Variants in UNC80 observed in about 807,000 individuals in gnomAD.
UNC80 encodes unc-80 subunit of NALCN channel complex.
Under a neutral mutation model 384.6 loss-of-function variants are expected in UNC80, and 164 were observed. The ratio of observed to expected loss-of-function variants is 0.43; its 90% CI spans 0.38 to 0.49. UNC80 has a LOEUF of 0.49. Among genes scored for constraint, UNC80 ranks in the 20% least tolerant of loss-of-function variants. The pLI, the probability that UNC80 is intolerant of heterozygous loss-of-function variation, is 0.00. For missense variants in UNC80, 3,330 were observed against 4,143.0 expected, an observed-to-expected ratio of 0.80 and a Z score of 5.39; for synonymous variants, 1,486 against 1,527.8, an observed-to-expected ratio of 0.97 and a Z score of 0.64.
At chr2:209,956,959 T>C (rs1475225618) in intron 48 of UNC80, among the ~76,000 whole-genome samples, 1 of 152,140 alleles carries the variant, frequency 6.6e-6, no homozygotes, top group African/African-American at 2.4e-5. Flanking sequence ...AAGCAAACCT[T>C]GATGATTTCA....
intron 7 of UNC80, among the ~76,000 whole-genome samples, chr2:209,796,845 G>C (rs116813883): frequency 6.6e-6 from 1 of 152,110 alleles, no homozygotes; most frequent in South Asian, 2.1e-4. Flanking sequence ...TATCAACAGC[G>C]TGAAAACGAA....
At chr2:209,905,105 T>C (rs1255983430) in intron 29 of UNC80, 140 bp downstream of exon 29, 19 of 843,448 alleles carry the variant, frequency 2.3e-5, no homozygotes, top group East Asian at 1.1e-4. Context: ...GCAGAAGAGA[T>C]GTACAAGAAA....
At chr2:209,929,441 GA>G (rs369524321) in intron 36 of UNC80, among the ~76,000 whole-genome samples, 3 of 151,102 alleles carry the variant, frequency 2.0e-5, no homozygotes, top group Non-Finnish European at 3.0e-5. Context: ...CATGTGGACA[GA>G]AAAAAAAATC....
chr2:209,879,897 A>G (rs1489242888), intron 24 of UNC80, among the ~76,000 whole-genome samples: 1 of 152,226 alleles, frequency 6.6e-6, no homozygotes, highest in African/African-American at 2.4e-5. Flanking sequence ...ATATCTACAG[A>G]AAGACCGTAA....
At chr2:209,874,842 C>T (rs1246614849) in intron 23 of UNC80, among the ~76,000 whole-genome samples, 1 of 152,126 alleles carries the variant, frequency 6.6e-6, no homozygotes, top group East Asian at 1.9e-4. Context: ...CTCAATCTTC[C>T]AAAATAAAAC....
At chr2:209,981,602 A>C (rs1028931559) in intron 59 of UNC80, among the ~76,000 whole-genome samples, 1 of 152,154 alleles carries the variant, frequency 6.6e-6, no homozygotes, top group African/African-American at 2.4e-5. Flanking sequence ...ACAAACCAAA[A>C]CAAAACAAAA....
At position 209,959,691 on chromosome 2, in the gene UNC80, G is replaced by A; in HGVS notation, c.7789G>A (p.Val2597Met). 1 of 1,551,494 alleles carries A rather than the reference G, an allele frequency of 6.4e-7. No homozygotes were observed. ...PRVIALELLD[V>M]KSHMRLAEIA... The stretch of plus-strand genomic sequence containing the variant: ...GGTCATTGCCTTGGAACTGCTGGAT[G>A]TGAAGTCTCACATGAGGTACTGGCC... The change falls in exon 51 of 65, where the codon GTG (valine) becomes ATG (methionine). Residue 2597 changes from valine (V) to methionine (M), a missense_variant. Physicochemically the swap from Val to Met is conservative, Grantham distance 21. Transcript: ENST00000673920.
Position 209,856,990 on chromosome 2 carries a change from A to G in UNC80, c.3627+7367A>G, listed in dbSNP as rs757928174. 3.7e-4 allele frequency among the ~76,000 whole-genome samples: 57 copies of G among 152,092 alleles called. 1 individual carries two copies. The highest frequency in any genetic ancestry group is 6.6e-4 in the Non-Finnish European group (45 of 67,990). On this transcript the variant is annotated intron_variant, in intron 22 of 64. Coordinates refer to ENST00000673920, the MANE Select transcript of UNC80 (RefSeq NM_001371986.1). Reference sequence around the variant, plus strand: ...TTTTTAGTAGAGAAGGGGTTTCACCATATTGGTCAGGCTGATCTAGAACTC... The same window carrying G: ...TTTTTAGTAGAGAAGGGGTTTCACCGTATTGGTCAGGCTGATCTAGAACTC...
chr2:209,916,173 A>G (rs2089514517), intron 31 of UNC80, among the ~76,000 whole-genome samples: 1 of 152,184 alleles, frequency 6.6e-6, no homozygotes, highest in Non-Finnish European at 1.5e-5. Flanking sequence ...GGCAGCTGAA[A>G]TAGTGAGAGT....
At chr2:209,949,460 A>G (rs2092056232) in intron 47 of UNC80, among the ~76,000 whole-genome samples, 1 of 151,688 alleles carries the variant, frequency 6.6e-6, no homozygotes, top group South Asian at 2.1e-4. Context: ...TGTCTCTCCT[A>G]CCCACCCCCC....
chr2:209,993,387 A>G lies in UNC80; in HGVS notation c.9469A>G (p.Thr3157Ala), dbSNP rs1312503247. 8 of 1,551,630 alleles carry G rather than the reference A, an allele frequency of 5.2e-6. No individual in the cohort carries two copies. The highest frequency in any genetic ancestry group is 4.9e-5 in the East Asian group (2 of 40,936). The change falls in exon 63 of 65, where the codon ACC (threonine) becomes GCC (alanine). Residue 3157 changes from threonine (T) to alanine (A), a missense_variant. Physicochemically the swap from Thr to Ala is moderately conservative, Grantham distance 58. Coordinates refer to ENST00000673920, the MANE Select transcript of UNC80 (RefSeq NM_001371986.1). ...AAATCGCCAAGGGGCTCGGCTGTCA[A>G]CCACTCGCAGGAGCATTCAACCTAA... is the stretch of plus-strand genomic sequence containing the variant. ...PRNRQGARLS[T>A]TRRSIQPKTK...
At chr2:209,878,597 C>A (rs529013553) in intron 24 of UNC80, among the ~76,000 whole-genome samples, 13 of 152,170 alleles carry the variant, frequency 8.5e-5, no homozygotes, top group Admixed American at 2.0e-4. Flanking sequence ...TCAGAGGTTG[C>A]TAGAACTGTG....
intron 49 of UNC80, 47 bp from the exon 50 acceptor site, chr2:209,959,072 C>T (rs1180864392): frequency 6.5e-7 from 1 of 1,535,282 alleles, no homozygotes; most frequent in Non-Finnish European, 8.8e-7. Flanking sequence ...ACCAAAGGAC[C>T]CCGTTCTTGC....
intron 16 of UNC80, 30 bp downstream of exon 16, chr2:209,831,621 G>C: frequency 6.7e-7 from 1 of 1,500,108 alleles, no homozygotes. Flanking sequence ...TCCCACAGGA[G>C]CTCTCAGTCT....
chr2:209,954,927 G>A (rs1055055130), intron 48 of UNC80, among the ~76,000 whole-genome samples: 6 of 152,120 alleles, frequency 3.9e-5, no homozygotes, highest in Non-Finnish European at 5.9e-5. Flanking sequence ...CTTGGGTGCC[G>A]AAGCAGAGTC....
Position 209,973,251 on chromosome 2 carries a change from C to A in UNC80, c.8568C>A (p.Thr2856=). 6.4e-7 allele frequency: 1 copy of A among 1,551,640 alleles called. No homozygotes were observed. The highest frequency in any genetic ancestry group is 2.4e-5 in the East Asian group (1 of 40,910). The change falls in exon 56 of 65, where the codon ACC becomes ACA. Residue 2856 remains threonine (T), a synonymous_variant. Transcript: ENST00000673920. ...DLRREGLAES[T]SQAAYLALKV... ...GCAGGGAAGGGCTGGCTGAGTCCAC[C>A]AGCCAAGCAGCATACTTGGGTTGGT...
chr2:209,871,801 T>G (rs2084317573), intron 22 of UNC80, among the ~76,000 whole-genome samples: 1 of 151,890 alleles, frequency 6.6e-6, no homozygotes, highest in Non-Finnish European at 1.5e-5. Context: ...CTAAAAGATG[T>G]TTCTTCTTTT....
chr2:209,866,401 A>G (rs541899389), intron 22 of UNC80, among the ~76,000 whole-genome samples: 2 of 151,886 alleles, frequency 1.3e-5, no homozygotes, highest in South Asian at 2.1e-4. Context: ...ACATTTGACA[A>G]TGTCTGGAGG....
intron 51 of UNC80, among the ~76,000 whole-genome samples, chr2:209,963,052 A>C (rs987722214): frequency 1.3e-5 from 2 of 152,266 alleles, no homozygotes; most frequent in South Asian, 4.1e-4. Flanking sequence ...AAGGCAATCT[A>C]TACTTCTGAA....
Sources: gnomAD v4.1 joint callset for allele counts (sites outside exome capture counted in the v4.1 genomes callset) on GRCh38, gnomAD v4.1.1 for gene constraint, MANE v1.5 for transcripts, NCBI Gene and HGNC (gene_info 2026-07-23, HGNC 2026-07-21) for gene names.